The following PIGN variants were observed in gnomAD, a reference collection of about 807,000 sequenced individuals.
The protein encoded by PIGN is GPI ethanolamine phosphate transferase 1.
PIGN carries 117 observed loss-of-function variants against 125.4 expected under a neutral mutation model. The observed-to-expected ratio is 0.93, with a 90% CI of 0.80 to 1.09. The LOEUF (loss-of-function observed/expected upper bound fraction) is 1.09, where lower values mean the gene tolerates loss of function less well. Among genes scored for constraint, PIGN ranks in the 50% least tolerant of loss-of-function variants. PIGN has a pLI of 0.00. For missense variants in PIGN, 1,075 were observed against 1,094.9 expected (o/e 0.98, Z 0.26); for synonymous variants, 392 against 377.8 (o/e 1.04, Z -0.44).
In PIGN at chr18:62,041,690, T is replaced by A. The variant is rs1040945101; in HGVS notation, c.*4166A>T. 4 of 151,404 alleles carry A rather than the reference T, an allele frequency of 2.6e-5. No individual in the cohort carries two copies. Among genetic ancestry groups the A allele is most frequent in the African/African-American group, 1.0e-4 (4 of 40,166 alleles). 9.4% of individuals were successfully genotyped at this position (151,404 alleles called of 1,614,324 possible). ...GTGTGTGTGTGTGTGTGTGTGTGTG[T>A]GTGTGTGTGTGTGTGTTTAGTAGAG... is the stretch of plus-strand genomic sequence containing the variant. On this transcript the variant is annotated 3_prime_UTR_variant, in exon 31 of 31. Coordinates refer to ENST00000640252, the MANE Select transcript of PIGN (RefSeq NM_176787.5).
rs79926852 is a variant in PIGN, at chr18:62,146,944, G to T, written c.805+27C>A. On this transcript the variant is annotated intron_variant, in intron 9 of 30. Coordinates refer to ENST00000640252, the MANE Select transcript of PIGN (RefSeq NM_176787.5). ...CATTTATCACTACTTTAATTGTAAG[G>T]TACATATCAATTAAAGACACACTAA... The T allele has an allele frequency of 0.047, 74,606 of 1,602,770 alleles. 2,221 individuals are homozygous for T. Among genetic ancestry groups the T allele is most frequent in the Middle Eastern group, 0.14 (871 of 6,008 alleles).
At chr18:62,082,522 A>G in intron 28 of PIGN, 151 bp downstream of exon 28, 3 of 483,188 alleles carry the variant, frequency 6.2e-6, no homozygotes, top group East Asian at 3.3e-5. Context: ...GACAAGCAAC[A>G]CTGACTAAAC....
Position 62,148,333 on chromosome 18 carries a change from G to T in PIGN, c.555C>A (p.Phe185Leu). The part of the protein sequence containing the change: ...DTWVFDNVKD[F>L]FHHARNNQSL... ...ACTGGTTGTTTCTGGCATGATGAAA[G>T]AAGTCCTACATATAACAAATGAGTT... Residue 185 changes from phenylalanine to leucine, a missense_variant, in exon 8 of 31, where the codon TTC (phenylalanine) becomes TTA (leucine). Around this residue, in one of 3 missense-constraint regions of PIGN, gnomAD observed 915 missense variants for 908.7 expected, o/e 1.01. Coordinates refer to ENST00000640252, the MANE Select transcript of PIGN (RefSeq NM_176787.5). The T allele has an allele frequency of 6.6e-7, 1 of 1,508,046 alleles. No individual in the cohort carries two copies. The highest frequency in any genetic ancestry group is 8.9e-7 in the Non-Finnish European group (1 of 1,120,524). The allele number at this position is 1,508,046 out of a possible 1,614,324, so 93.4% of individuals were successfully genotyped here.
At chr18:62,148,135 C>A in intron 8 of PIGN, 79 bp downstream of exon 8, 1 of 1,131,770 alleles carries the variant, frequency 8.8e-7, no homozygotes, top group African/African-American at 1.6e-5. Context: ...GTTATAATTC[C>A]AAAGAAAACT....
chr18:62,173,513 T>G (rs2037411121), intron 1 of PIGN, among the ~76,000 whole-genome samples: 1 of 152,184 alleles, frequency 6.6e-6, no homozygotes, highest in Non-Finnish European at 1.5e-5. Context: ...GGATTACATG[T>G]GTAAGCCATT....
chr18:62,118,044 G>C (rs903178742), intron 14 of PIGN, among the ~76,000 whole-genome samples: 1 of 151,972 alleles, frequency 6.6e-6, no homozygotes, highest in Non-Finnish European at 1.5e-5. Flanking sequence ...ATAAACATAG[G>C]AGTGCAGATT....
chr18:62,053,789 C>A (rs2031507058), intron 30 of PIGN, among the ~76,000 whole-genome samples: 2 of 152,188 alleles, frequency 1.3e-5, no homozygotes, highest in South Asian at 4.1e-4. Flanking sequence ...TACCCAACAA[C>A]AGCAGAATAC....
chr18:62,184,200 T>C (rs191599260), intron 1 of PIGN, among the ~76,000 whole-genome samples: 11 of 152,346 alleles, frequency 7.2e-5, no homozygotes, highest in Admixed American at 7.2e-4. Flanking sequence ...AGAATATTAC[T>C]TGTGGTTCTT....
chr18:62,118,190 C>G (rs1267932429), intron 14 of PIGN, among the ~76,000 whole-genome samples: 1 of 151,838 alleles, frequency 6.6e-6, no homozygotes, highest in Non-Finnish European at 1.5e-5. Flanking sequence ...AAGAAAAAGA[C>G]TATAAGACTG....
At position 62,109,956 on chromosome 18, in the gene PIGN, C is replaced by A; in HGVS notation, c.1452G>T (p.Leu484=). The A allele has an allele frequency of 6.2e-7, 1 of 1,613,304 alleles. No individual in the cohort carries two copies. The highest frequency in any genetic ancestry group is 8.5e-7 in the Non-Finnish European group (1 of 1,179,524). The part of the protein sequence containing the change: ...SKEVKKPSHL[L]PCSFVAIGIL... ...TGCCAATAGCTACAAAACTACAAGG[C>A]AGGAGATGGCTTGGTTTCTGAAAAA... The change falls in exon 17 of 31, where the codon CTG becomes CTT. Residue 484 remains leucine, a synonymous_variant. Coordinates refer to ENST00000640252, the MANE Select transcript of PIGN (RefSeq NM_176787.5).
intron 23 of PIGN, among the ~76,000 whole-genome samples, chr18:62,023,524 C>T (rs2030079316): frequency 6.6e-6 from 1 of 152,240 alleles, no homozygotes; most frequent in South Asian, 2.1e-4. Context: ...AATTCACCTT[C>T]AGCACGTTTT....
intron 20 of PIGN, among the ~76,000 whole-genome samples, chr18:62,104,194 A>G (rs1212945455): frequency 6.6e-6 from 1 of 152,252 alleles, no homozygotes; most frequent in Non-Finnish European, 1.5e-5. Flanking sequence ...AGAGGGAAAC[A>G]ATATAATTTT....
intron 28 of PIGN, among the ~76,000 whole-genome samples, chr18:62,082,031 T>C (rs548145021): frequency 2.0e-5 from 3 of 152,304 alleles, no homozygotes; most frequent in Non-Finnish European, 4.4e-5. Context: ...TTCATATTTA[T>C]ATCAAGTATT....
At chr18:62,121,466 A>G (rs1342866736) in intron 14 of PIGN, among the ~76,000 whole-genome samples, 2 of 152,194 alleles carry the variant, frequency 1.3e-5, no homozygotes, top group Non-Finnish European at 2.9e-5. Context: ...ATTGTTATAC[A>G]TGAATTAACA....
At chr18:62,036,761 G>A (rs544115618), downstream of PIGN, among the ~76,000 whole-genome samples, 20 of 152,238 alleles carry the variant, frequency 1.3e-4, no homozygotes, top group South Asian at 4.1e-3. Context: ...CCTTATCTTA[G>A]CAGATGCTAA....
chr18:62,152,834 G>A (rs2036585659), intron 7 of PIGN, among the ~76,000 whole-genome samples: 3 of 150,456 alleles, frequency 2.0e-5, no homozygotes, highest in Admixed American at 6.7e-5. Context: ...GCTTAAGACA[G>A]TAAATTCTGT....
rs781515326 is a variant in PIGN at position 62,095,873 on chromosome 18, A to G, written c.2155T>C (p.Ser719Pro). 7 of 1,610,780 alleles carry G rather than the reference A, an allele frequency of 4.3e-6. No individual in the cohort carries two copies. In the African/African-American group the frequency reaches 6.7e-5, roughly 15 times the overall value. Residue 719 changes from serine (S) to proline (P), a missense_variant, in exon 23 of 31, where the codon TCA becomes CCA. Physicochemically the swap from Ser to Pro is moderately conservative, Grantham distance 74 (BLOSUM62 -1). Coordinates refer to ENST00000640252, the MANE Select transcript of PIGN (RefSeq NM_176787.5). ...RLFSILLSLM[S>P]TYLLLSTGYE... Reference sequence around the variant, plus strand: ...CCTGTGCTTAGAAGTAGGTAGGTTGACATCAATGAAAGAAGTATGCTGAAC... The same window carrying G: ...CCTGTGCTTAGAAGTAGGTAGGTTGGCATCAATGAAAGAAGTATGCTGAAC...
intron 23 of PIGN, among the ~76,000 whole-genome samples, chr18:62,092,629 T>C (rs1344435348): frequency 6.6e-6 from 1 of 151,884 alleles, no homozygotes; most frequent in Non-Finnish European, 1.5e-5. Flanking sequence ...AGATCCAAAA[T>C]AGAACATGTA....
chr18:62,163,042 A>G (rs750507178), intron 2 of PIGN, among the ~76,000 whole-genome samples: 7 of 152,150 alleles, frequency 4.6e-5, no homozygotes, highest in Non-Finnish European at 7.4e-5. Context: ...ATAACTGTTT[A>G]CCCAAATCTG....
Sources: gnomAD v4.1 joint callset for allele counts (sites outside exome capture counted in the v4.1 genomes callset) on GRCh38, gnomAD v4.1.1 for gene constraint, gnomAD v4.1.1 regional missense constraint, MANE v1.5 for transcripts, NCBI Gene and HGNC (gene_info 2026-07-23, HGNC 2026-07-21) for gene names.